Variants in PCDHA13 observed in about 807,000 individuals in gnomAD.
The protein encoded by PCDHA13 is protocadherin alpha-13.
A neutral mutation model predicts 64.8 loss-of-function variants in PCDHA13; 54 were observed. The ratio of observed to expected loss-of-function variants is 0.83; its 90% CI spans 0.67 to 1.04. PCDHA13 has a LOEUF of 1.04. Ranked by LOEUF, PCDHA13 falls within the 50% of genes least tolerant of loss-of-function variation. The probability of loss-of-function intolerance (pLI) is 0.00; values close to 1 mark genes in which losing one functional copy is unlikely to be tolerated. For missense variants in PCDHA13, 1,248 were observed against 1,254.3 expected, an observed-to-expected ratio of 0.99 and a Z score of 0.08; for synonymous variants, 587 against 564.4, an observed-to-expected ratio of 1.04 and a Z score of -0.57.
rs371269236 is a variant in PCDHA13, at chr5:141,009,740, G to A, written c.2656G>A (p.Asp886Asn). Residue 886 changes from aspartate to asparagine, a missense_variant, in exon 4 of 4, where the codon GAC becomes AAC. Asp to Asn is a conservative substitution (Grantham distance 23, BLOSUM62 1). Coordinates refer to ENST00000289272, the MANE Select transcript of PCDHA13 (RefSeq NM_018904.3). ...PKQSGPGELP[D>N]KFIIPGSPAI... ...ACAATCCGGTCCCGGTGAGTTGCCC[G>A]ACAAATTCATTATCCCAGGATCTCC... The A allele has an allele frequency of 1.8e-4, 293 of 1,613,962 alleles. No individual in the cohort carries two copies. Among genetic ancestry groups the A allele is most frequent in the East Asian group, 1.6e-3 (74 of 44,884 alleles).
chr5:140,886,076 A>C (rs1554182342), intron 1 of PCDHA13, among the ~76,000 whole-genome samples: 3 of 152,198 alleles, frequency 2.0e-5, no homozygotes, highest in African/African-American at 7.2e-5. Flanking sequence ...GGGCCATACC[A>C]CAACCTGGAT....
chr5:140,883,474 G>C lies in PCDHA13; in HGVS notation c.1206G>C (p.Lys402Asn). Residue 402 changes from lysine to asparagine, a missense_variant, in exon 1 of 4, where the codon AAG (lysine) becomes AAC (asparagine). Physicochemically the swap from Lys to Asn is moderately conservative, Grantham distance 94 (BLOSUM62 0). Coordinates refer to ENST00000289272, the MANE Select transcript of PCDHA13 (RefSeq NM_018904.3). ...CCTTCAAGCTGGTGTCCACCTACAA[G>C]AACTACTACTCATTAGTGCTGGACA... ...HVPFKLVSTYKNYYSLVLDSA... is the reference protein window; with the variant it reads ...HVPFKLVSTYNNYYSLVLDSA... 1 of 1,614,126 alleles carries C rather than the reference G, an allele frequency of 6.2e-7. No individual in the cohort carries two copies. The highest frequency in any genetic ancestry group is 1.7e-4 in the Middle Eastern group (1 of 6,044).
At chr5:140,978,798 G>T (rs1249216156) in intron 1 of PCDHA13, 151 bp from the exon 2 acceptor site, 2 of 1,477,414 alleles carry the variant, frequency 1.4e-6, no homozygotes, top group Admixed American at 2.3e-5. Context: ...TATATATGTA[G>T]ATATCATCAT....
Position 140,883,794 on chromosome 5 carries a change from C to A in PCDHA13, c.1526C>A (p.Ser509Ter), listed in dbSNP as rs781822448. The part of the protein sequence containing the change: ...VGERALSSYV[S>*]VHAESGKVYA... Reference sequence around the variant, plus strand: ...GAGCGTGCGCTGTCGAGCTACGTGTCGGTGCACGCGGAGAGCGGCAAGGTG... The same window carrying A: ...GAGCGTGCGCTGTCGAGCTACGTGTAGGTGCACGCGGAGAGCGGCAAGGTG... The change falls in exon 1 of 4, where the codon TCG (serine) becomes TAG (stop). Residue 509 changes from serine to a stop codon, truncating the protein, a stop_gained. Coordinates refer to ENST00000289272, the MANE Select transcript of PCDHA13 (RefSeq NM_018904.3). LOFTEE classifies it high-confidence loss of function. 1 of 1,612,476 alleles carries A rather than the reference C, an allele frequency of 6.2e-7. No individual in the cohort carries two copies. Among genetic ancestry groups the A allele is most frequent in the Non-Finnish European group, 8.5e-7 (1 of 1,179,758 alleles).
intron 1 of PCDHA13, among the ~76,000 whole-genome samples, chr5:140,972,039 C>A (rs1274808907): frequency 2.6e-5 from 4 of 152,150 alleles, no homozygotes; most frequent in African/African-American, 9.7e-5. Context: ...TTTAAGCTAT[C>A]ACTAATTCAC....
At chr5:140,967,697 G>A (rs1554229803) in intron 1 of PCDHA13, 1 of 1,614,196 alleles carries the variant, frequency 6.2e-7, no homozygotes, top group Admixed American at 1.7e-5. Flanking sequence ...CTTCAGCATA[G>A]ATGCCAGTAC....
intron 1 of PCDHA13, among the ~76,000 whole-genome samples, chr5:140,970,414 A>G (rs2096403953): frequency 6.6e-6 from 1 of 152,224 alleles, no homozygotes; most frequent in South Asian, 2.1e-4. Context: ...CCCTACAGTA[A>G]GGTGTAGAGG....
chr5:140,956,009 C>G (rs1479377959), intron 1 of PCDHA13, among the ~76,000 whole-genome samples: 1 of 152,192 alleles, frequency 6.6e-6, no homozygotes, highest in Non-Finnish European at 1.5e-5. Context: ...TATCCTGAGA[C>G]TTTGCTGAAG....
intron 1 of PCDHA13, among the ~76,000 whole-genome samples, chr5:140,902,680 C>T (rs943072063): frequency 3.9e-5 from 6 of 152,094 alleles, no homozygotes; most frequent in Admixed American, 6.5e-5. Context: ...GTACACCGTA[C>T]CTAATATGTG....
At chr5:141,006,238 G>T (rs1298883912) in intron 3 of PCDHA13, among the ~76,000 whole-genome samples, 1 of 151,428 alleles carries the variant, frequency 6.6e-6, no homozygotes, top group East Asian at 1.9e-4. Flanking sequence ...TTTAGATGGA[G>T]TCTTGCTCTG....
intron 3 of PCDHA13, among the ~76,000 whole-genome samples, chr5:140,997,635 A>C (rs1317325954): frequency 6.6e-6 from 1 of 151,942 alleles, no homozygotes; most frequent in Non-Finnish European, 1.5e-5. Context: ...CAAAAAGCAA[A>C]ATGGGATAAT....
rs559205841 is a variant in PCDHA13 at position 140,922,691 on chromosome 5, C to G, written c.2394+38029C>G. On this transcript the variant is annotated intron_variant, in intron 1 of 3. Coordinates refer to ENST00000289272, the MANE Select transcript of PCDHA13 (RefSeq NM_018904.3). ...GCAGTAAAAAAGTGAACAGGCTCTGCTTCCATACAGTCAAGAACAAAAAGA... is the reference window on the plus strand; with the variant it reads ...GCAGTAAAAAAGTGAACAGGCTCTGGTTCCATACAGTCAAGAACAAAAAGA... 2.0e-4 allele frequency among the ~76,000 whole-genome samples: 30 copies of G among 152,262 alleles called. No individual in the cohort carries two copies. In the South Asian group the frequency reaches 6.0e-3, roughly 31 times the overall value.
At position 140,928,737 on chromosome 5, in the gene PCDHA13, A is replaced by G. The variant is rs140056024; in HGVS notation, c.2394+44075A>G. On this transcript the variant is annotated intron_variant, in intron 1 of 3. Coordinates refer to ENST00000289272, the MANE Select transcript of PCDHA13 (RefSeq NM_018904.3). ...GTCTCTTTAGAATTTCAGCCAATAT[A>G]GGTGAGCTCCGTACTGCTCGCTTAG... is the stretch of plus-strand genomic sequence containing the variant. 5.6e-6 allele frequency: 9 copies of G among 1,614,000 alleles called. No homozygotes were observed. In the African/African-American group the frequency reaches 8.0e-5, roughly 14 times the overall value.
chr5:140,981,699 T>A (rs1162840326), intron 2 of PCDHA13, among the ~76,000 whole-genome samples: 1 of 151,316 alleles, frequency 6.6e-6, no homozygotes, highest in Non-Finnish European at 1.5e-5. Context: ...CATTCATTCA[T>A]TCATTCATTC....
intron 1 of PCDHA13, among the ~76,000 whole-genome samples, chr5:140,912,273 A>G (rs551128589): frequency 1.3e-5 from 2 of 151,890 alleles, no homozygotes; most frequent in South Asian, 4.2e-4. Flanking sequence ...TCACAGATAT[A>G]CCCAGGAACA....
At chr5:140,886,507 G>A (rs2061007189) in intron 1 of PCDHA13, among the ~76,000 whole-genome samples, 1 of 151,788 alleles carries the variant, frequency 6.6e-6, no homozygotes, top group South Asian at 2.1e-4. Context: ...TCCTTTTATG[G>A]ATTTTAAGGT....
chr5:140,927,460 G>A, intron 1 of PCDHA13: 2 of 1,614,148 alleles, frequency 1.2e-6, no homozygotes, highest in South Asian at 1.1e-5. Context: ...GTTGGAGAAA[G>A]CACTGGATCG....
At chr5:140,980,716 G>T (rs1246125435) in intron 2 of PCDHA13, among the ~76,000 whole-genome samples, 1 of 151,830 alleles carries the variant, frequency 6.6e-6, no homozygotes, top group Non-Finnish European at 1.5e-5. Context: ...TCCTATTCGG[G>T]TTTCAATTAA....
In PCDHA13 at chr5:141,010,126, C is replaced by A; in HGVS notation, c.*189C>A. The A allele has an allele frequency of 6.2e-7, 1 of 1,602,364 alleles. No homozygotes were observed. The highest frequency in any genetic ancestry group is 1.1e-5 in the South Asian group (1 of 89,898). ...TTTTGTCGTAAAAGCTTTACTAAGT[C>A]TGGTGTTAACTCTTTCTCTCCACTC... On this transcript the variant is annotated 3_prime_UTR_variant, in exon 4 of 4. Coordinates refer to ENST00000289272, the MANE Select transcript of PCDHA13 (RefSeq NM_018904.3).
Sources: allele counts gnomAD v4.1 joint callset (sites outside exome capture counted in the v4.1 genomes callset), GRCh38; gene constraint gnomAD v4.1.1; transcripts MANE v1.5; gene names NCBI Gene and HGNC (gene_info 2026-07-23, HGNC 2026-07-21).